UTRN: variants seen among roughly 807,000 people sequenced by gnomAD.
UTRN encodes utrophin.
In UTRN, 283 loss-of-function variants were observed where a neutral mutation model predicts 463.9. The observed-to-expected ratio is 0.61, with a 90% CI of 0.55 to 0.67. UTRN has a LOEUF of 0.67. UTRN is among the 30% of genes least tolerant of loss of function. The probability of loss-of-function intolerance (pLI) is 0.00; values close to 1 mark genes in which losing one functional copy is unlikely to be tolerated. For synonymous variants in UTRN, 1,442 were observed against 1,431.5 expected, an observed-to-expected ratio of 1.01 and a Z score of -0.17; for missense variants, 3,922 against 4,084.3, an observed-to-expected ratio of 0.96 and a Z score of 1.08.
intron 2 of UTRN, among the ~76,000 whole-genome samples, chr6:144,385,057 T>C (rs538318435): frequency 8.5e-5 from 13 of 152,312 alleles, no homozygotes; most frequent in African/African-American, 3.1e-4. Flanking sequence ...TTTGATTGAC[T>C]CTTGCTAACC....
At chr6:144,496,604 G>A (rs1793669334) in intron 33 of UTRN, among the ~76,000 whole-genome samples, 2 of 152,096 alleles carry the variant, frequency 1.3e-5, no homozygotes, top group South Asian at 4.1e-4. Flanking sequence ...ATTTTACTCT[G>A]TGTCAGGAAT....
intron 14 of UTRN, among the ~76,000 whole-genome samples, chr6:144,445,853 C>A (rs1787639799): frequency 6.6e-6 from 1 of 151,936 alleles, no homozygotes; most frequent in Non-Finnish European, 1.5e-5. Context: ...ATGTTGAAAC[C>A]TGTCTCTACT....
intron 68 of UTRN, among the ~76,000 whole-genome samples, chr6:144,828,004 G>A (rs1780340077): frequency 6.6e-6 from 1 of 152,118 alleles, no homozygotes; most frequent in South Asian, 2.1e-4. Context: ...TCAGGAGATG[G>A]TGCACATGTG....
At chr6:144,706,428 T>A (rs1785107310) in intron 53 of UTRN, among the ~76,000 whole-genome samples, 1 of 152,076 alleles carries the variant, frequency 6.6e-6, no homozygotes, top group Admixed American at 6.6e-5. Flanking sequence ...TAAGCAAACC[T>A]GAGTTTTCAT....
At chr6:144,557,491 T>C (rs926485810) in intron 50 of UTRN, among the ~76,000 whole-genome samples, 180 bp downstream of exon 50, 2 of 152,234 alleles carry the variant, frequency 1.3e-5, no homozygotes, top group Non-Finnish European at 2.9e-5. Context: ...TGTATGCTTA[T>C]ACAATATGTT....
At chr6:144,452,189 G>A (rs1156434211) in intron 18 of UTRN, among the ~76,000 whole-genome samples, 1 of 152,110 alleles carries the variant, frequency 6.6e-6, no homozygotes, top group African/African-American at 2.4e-5. Flanking sequence ...TTGATCTTTA[G>A]TTAGACAAAA....
intron 13 of UTRN, among the ~76,000 whole-genome samples, 190 bp from the exon 14 acceptor site, chr6:144,444,091 A>G (rs1406249334): frequency 6.6e-6 from 1 of 152,188 alleles, no homozygotes; most frequent in Non-Finnish European, 1.5e-5. Context: ...GTTCAATTCT[A>G]TGGAAATTAG....
At chr6:144,526,240 G>A (rs544647903) in intron 41 of UTRN, among the ~76,000 whole-genome samples, 6 of 152,036 alleles carry the variant, frequency 3.9e-5, no homozygotes, top group Non-Finnish European at 8.8e-5. Flanking sequence ...TTTCTTTGTC[G>A]ACTTTCTGTC....
rs1172619742 is a variant in UTRN, at chr6:144,448,521, GAA to G, written c.1903-77_1903-76del. The G allele has an allele frequency of 6.7e-6, 10 of 1,502,230 alleles. No homozygotes were observed. In the African/African-American group the frequency reaches 8.4e-5, roughly 13 times the overall value. 93.1% of individuals were successfully genotyped at this position (1,502,230 alleles called of 1,614,324 possible). A position where few individuals can be genotyped will look rare whatever the true frequency, so the allele number is the denominator to read the frequency against. ...TAACCATTAAATTGTGTATTTCAAA[GAA>G]AGAATTTTATAGCATGTGAATTACA... On this transcript the variant is annotated intron_variant, in intron 16 of 74. Coordinates refer to ENST00000367545, the MANE Select transcript of UTRN (RefSeq NM_007124.3).
chr6:144,320,306 C>T (rs1168094386), intron 2 of UTRN, among the ~76,000 whole-genome samples: 1 of 152,142 alleles, frequency 6.6e-6, no homozygotes, highest in Non-Finnish European at 1.5e-5. Flanking sequence ...ATTATTATTA[C>T]TATTACTATT....
Position 144,730,502 on chromosome 6 carries a change from C to G in UTRN, c.7939+16C>G. The stretch of plus-strand genomic sequence containing the variant: ...TCAAAAACAGGTGAGACTGGTTTCT[C>G]CACTACATCATAAAAACACATGCTA... On this transcript the variant is annotated intron_variant, in intron 54 of 74. Transcript: ENST00000367545. The G allele has an allele frequency of 6.3e-7, 1 of 1,587,684 alleles. No individual in the cohort carries two copies. The highest frequency in any genetic ancestry group is 1.4e-5 in the African/African-American group (1 of 73,298).
intron 28 of UTRN, 93 bp from the exon 29 acceptor site, chr6:144,487,455 A>G (rs1020200470): frequency 7.8e-7 from 1 of 1,278,708 alleles, no homozygotes; most frequent in Non-Finnish European, 1.0e-6. Flanking sequence ...AGAAAATATA[A>G]TTACTTGTTT....
intron 17 of UTRN, among the ~76,000 whole-genome samples, chr6:144,451,068 T>G (rs376992227): frequency 6.6e-6 from 1 of 152,162 alleles, no homozygotes; most frequent in South Asian, 2.1e-4. Context: ...GCCGAGATCG[T>G]GCCATTGCAC....
rs771901189 is a variant in UTRN, at chr6:144,577,233, G to A, written c.7424G>A (p.Arg2475Gln). 109 of 1,613,792 alleles carry A rather than the reference G, an allele frequency of 6.8e-5. 1 individual carries two copies. The highest frequency in any genetic ancestry group is 1.8e-4 in the East Asian group (8 of 44,860). Residue 2475 changes from arginine (R) to glutamine (Q), a missense_variant, in exon 51 of 75, where the codon CGG (arginine) becomes CAG (glutamine). By Grantham distance (43) the Arg-to-Gln change is conservative. This residue lies in a region of UTRN where 1,309 missense variants were observed against 1,452.6 expected (regional missense o/e 0.90). Transcript: ENST00000367545. ...AATGTGCTTGTGGATGCCTCTCATC[G>A]GGAGAATGCTCTTCAGGATAGTATC... ...TVNVLVDASH[R>Q]ENALQDSILA...
rs2128768155 is a variant in UTRN, at chr6:144,852,951, G to A, written c.*1954G>A. ...TAAGTATGTAGTTCTTTTGAAATAT[G>A]TGGTAAAGAACTAATCACAGACTAT... On this transcript the variant is annotated 3_prime_UTR_variant, in exon 75 of 75. Coordinates refer to ENST00000367545, the MANE Select transcript of UTRN (RefSeq NM_007124.3). The A allele has an allele frequency of 6.6e-6, 1 of 152,528 alleles. No individual in the cohort carries two copies. Among genetic ancestry groups the A allele is most frequent in the South Asian group, 2.1e-4 (1 of 4,824 alleles). The allele number at this position is 152,528 out of a possible 1,614,324, so 9.4% of individuals were successfully genotyped here. A position where few individuals can be genotyped will look rare whatever the true frequency, so the allele number is the denominator to read the frequency against.
chr6:144,590,086 C>T (rs1376339199), intron 51 of UTRN, among the ~76,000 whole-genome samples: 1 of 151,974 alleles, frequency 6.6e-6, no homozygotes, highest in African/African-American at 2.4e-5. Flanking sequence ...GTCTCAAACT[C>T]CTGAGCTCAA....
chr6:144,510,978 A>C lies in UTRN; in HGVS notation c.4799A>C (p.Asp1600Ala). Residue 1600 changes from aspartate (D) to alanine (A), a missense_variant, in exon 35 of 75, where the codon GAT becomes GCT. Physicochemically the swap from Asp to Ala is moderately radical, Grantham distance 126 (BLOSUM62 -2). This residue lies in a region of UTRN where 2,349 missense variants were observed against 2,303.8 expected (regional missense o/e 1.02). Coordinates refer to ENST00000367545, the MANE Select transcript of UTRN (RefSeq NM_007124.3). ...VLKDLEKRKA[D>A]LNTITESSAA... ...AAGGATCTGGAAAAGAGAAAAGCTG[A>C]TTTAAATACCATCACAGAGAGTAGT... 1 of 1,607,280 alleles carries C rather than the reference A, an allele frequency of 6.2e-7. No individual in the cohort carries two copies. Among genetic ancestry groups the C allele is most frequent in the Non-Finnish European group, 8.5e-7 (1 of 1,175,964 alleles).
chr6:144,557,043 T>A (rs1799449211), intron 49 of UTRN, 114 bp from the exon 50 acceptor site: 1 of 1,321,368 alleles, frequency 7.6e-7, no homozygotes, highest in Non-Finnish European at 1.0e-6. Flanking sequence ...TCTGTTTTCA[T>A]CCTGTGATAT....
intron 65 of UTRN, among the ~76,000 whole-genome samples, chr6:144,812,972 A>G (rs913262107): frequency 6.6e-6 from 1 of 152,086 alleles, no homozygotes; most frequent in Admixed American, 6.6e-5. Flanking sequence ...ATGCCCACTT[A>G]TCTGTGTAGG....
Sources: allele counts gnomAD v4.1 joint callset (sites outside exome capture counted in the v4.1 genomes callset), GRCh38; gene constraint gnomAD v4.1.1; regional missense constraint gnomAD v4.1.1; transcripts MANE v1.5; gene names NCBI Gene and HGNC (gene_info 2026-07-23, HGNC 2026-07-21).